ADAMTS3: variants seen among roughly 807,000 people sequenced by gnomAD.
The protein encoded by ADAMTS3 is A disintegrin and metalloproteinase with thrombospondin motifs 3.
ADAMTS3 carries 73 observed loss-of-function variants against 129.0 expected under a neutral mutation model. The ratio of observed to expected loss-of-function variants is 0.57; its 90% CI spans 0.47 to 0.69. The LOEUF is 0.69. ADAMTS3 is among the 30% of genes least tolerant of loss of function. The probability of loss-of-function intolerance (pLI) is 0.00; values close to 1 mark genes in which losing one functional copy is unlikely to be tolerated. For missense variants in ADAMTS3, 1,457 were observed against 1,514.5 expected, an observed-to-expected ratio of 0.96 and a Z score of 0.63; for synonymous variants, 477 against 510.8, an observed-to-expected ratio of 0.93 and a Z score of 0.89.
intron 3 of ADAMTS3, among the ~76,000 whole-genome samples, chr4:72,480,245 C>T (rs1249390929): frequency 1.9e-4 from 29 of 152,064 alleles, no homozygotes; most frequent in Admixed American, 3.3e-4. Flanking sequence ...CACATGCACA[C>T]GTATGTTTAT....
At chr4:72,292,074 A>G (rs1023832463) in intron 19 of ADAMTS3, among the ~76,000 whole-genome samples, 1 of 152,224 alleles carries the variant, frequency 6.6e-6, no homozygotes, top group Non-Finnish European at 1.5e-5. Flanking sequence ...TCTCAGTTAC[A>G]TTGCCTAATG....
chr4:72,470,376 T>TACAC lies in ADAMTS3; in HGVS notation c.505-55409_505-55406dup, dbSNP rs373903285. Among the ~76,000 whole-genome samples, 358 of 137,974 alleles carry TACAC rather than the reference T, an allele frequency of 2.6e-3. 5 individuals carry two copies. The highest frequency in any genetic ancestry group is 8.7e-3 in the African/African-American group (326 of 37,596). 90.5% of individuals were successfully genotyped at this position (137,974 alleles called of 152,430 possible). ...TATTTTAAGTTTATATATATATATA[T>TACAC]ACACACACACACACACACACACACA... On this transcript the variant is annotated intron_variant, in intron 3 of 21. Transcript: ENST00000286657.
chr4:72,505,684 G>A (rs551938136), intron 3 of ADAMTS3, among the ~76,000 whole-genome samples: 1 of 152,370 alleles, frequency 6.6e-6, no homozygotes. Flanking sequence ...GGTATAGGTA[G>A]GCATGAAACT....
chr4:72,479,485 A>G lies in ADAMTS3; in HGVS notation c.505-64514T>C, dbSNP rs1169751878. On this transcript the variant is annotated intron_variant, in intron 3 of 21. Coordinates refer to ENST00000286657, the MANE Select transcript of ADAMTS3 (RefSeq NM_014243.3). ...ATAAATGGTGCTGGGAAAACTGGCT[A>G]GCCATATGTAGAAAGCTGAAACTGG... Among the ~76,000 whole-genome samples, 3 of 152,248 alleles carry G rather than the reference A, an allele frequency of 2.0e-5. No homozygotes were observed. The East Asian group carries it at 5.8e-4, about 29-fold the overall frequency.
At position 72,466,218 on chromosome 4, in the gene ADAMTS3, G is replaced by A. The variant is rs148051666; in HGVS notation, c.505-51247C>T. Among the ~76,000 whole-genome samples the A allele has an allele frequency of 6.2e-4, 95 of 152,184 alleles. No homozygotes were observed. In the East Asian group the frequency reaches 0.016, roughly 26 times the overall value. Reference sequence around the variant, plus strand: ...GTGAGCAGTCAGTGCAAATTCCATAGAGAAAGCACTGTTCAGCTCGTGGCT... The same window carrying A: ...GTGAGCAGTCAGTGCAAATTCCATAAAGAAAGCACTGTTCAGCTCGTGGCT... On this transcript the variant is annotated intron_variant, in intron 3 of 21. Transcript: ENST00000286657.
intron 16 of ADAMTS3, among the ~76,000 whole-genome samples, chr4:72,305,341 A>G (rs1719054419): frequency 6.6e-6 from 1 of 152,132 alleles, no homozygotes; most frequent in South Asian, 2.1e-4. Flanking sequence ...AGATTAGATT[A>G]GTAAAATTCA....
At chr4:72,505,926 A>G (rs1442471780) in intron 3 of ADAMTS3, among the ~76,000 whole-genome samples, 1 of 152,174 alleles carries the variant, frequency 6.6e-6, no homozygotes. Flanking sequence ...TGTGGAGTGG[A>G]GATGGTGTCC....
intron 3 of ADAMTS3, among the ~76,000 whole-genome samples, chr4:72,525,934 G>C (rs1578762222): frequency 6.6e-6 from 1 of 152,232 alleles, no homozygotes; most frequent in African/African-American, 2.4e-5. Context: ...CCTGTGAATA[G>C]CACAAATCAA....
At chr4:72,392,685 G>T (rs1721627683) in intron 4 of ADAMTS3, among the ~76,000 whole-genome samples, 2 of 151,910 alleles carry the variant, frequency 1.3e-5, no homozygotes, top group Admixed American at 1.3e-4. Flanking sequence ...TGACTTCTTT[G>T]CCTAAAGAGG....
At chr4:72,335,188 A>G (rs1719957593) in intron 5 of ADAMTS3, among the ~76,000 whole-genome samples, 1 of 152,172 alleles carries the variant, frequency 6.6e-6, no homozygotes, top group South Asian at 2.1e-4. Context: ...TAAAGACTTA[A>G]TGTTAACAGT....
chr4:72,295,733 G>A lies in ADAMTS3; in HGVS notation c.2644C>T (p.His882Tyr), dbSNP rs760947478. ...CRRKSDNKMV[H>Y]RSFCEANKKP... is the part of the protein sequence containing the mutation. ...TTGTTGGCCTCACAGAAGCTGCGATGGACCATTTTATTATCACTTTTCCTA... is the reference window on the plus strand; with the variant it reads ...TTGTTGGCCTCACAGAAGCTGCGATAGACCATTTTATTATCACTTTTCCTA... The change falls in exon 19 of 22, where the codon CAT (histidine) becomes TAT (tyrosine). Residue 882 changes from histidine to tyrosine, a missense_variant. Transcript: ENST00000286657. 3 of 1,612,754 alleles carry A rather than the reference G, an allele frequency of 1.9e-6. No homozygotes were observed. Among genetic ancestry groups the A allele is most frequent in the African/African-American group, 1.3e-5 (1 of 74,840 alleles).
At chr4:72,537,841 C>A (rs1357631948) in intron 3 of ADAMTS3, among the ~76,000 whole-genome samples, 1 of 152,094 alleles carries the variant, frequency 6.6e-6, no homozygotes, top group Non-Finnish European at 1.5e-5. Context: ...CAGACAAATA[C>A]TTTAAAACAA....
At chr4:72,315,806 G>T in intron 11 of ADAMTS3, 52 bp downstream of exon 11, 3 of 1,220,868 alleles carry the variant, frequency 2.5e-6, no homozygotes, top group South Asian at 1.3e-5. Context: ...CTTTAAAGAT[G>T]ATAATTATGC....
intron 3 of ADAMTS3, among the ~76,000 whole-genome samples, chr4:72,439,656 C>T (rs1216908326): frequency 1.3e-5 from 2 of 151,424 alleles, no homozygotes; most frequent in African/African-American, 2.4e-5. Flanking sequence ...AGTGGTTTTC[C>T]CTCATGTGAG....
chr4:72,462,691 T>C (rs1718803931), intron 3 of ADAMTS3, among the ~76,000 whole-genome samples: 1 of 151,954 alleles, frequency 6.6e-6, no homozygotes, highest in Non-Finnish European at 1.5e-5. Context: ...TGTTTTAGTT[T>C]TTAATGAAAT....
chr4:72,418,237 C>G (rs1722359416), intron 3 of ADAMTS3, among the ~76,000 whole-genome samples: 1 of 151,932 alleles, frequency 6.6e-6, no homozygotes, highest in South Asian at 2.1e-4. Context: ...TGAAATGTTC[C>G]TAGTCCACAT....
chr4:72,305,774 C>T lies in ADAMTS3; in HGVS notation c.2260+213G>A, dbSNP rs541173062. Among the ~76,000 whole-genome samples the T allele has an allele frequency of 1.1e-4, 16 of 152,028 alleles. No homozygotes were observed. In the South Asian group the frequency reaches 2.9e-3, roughly 28 times the overall value. On this transcript the variant is annotated intron_variant, in intron 16 of 21. Transcript: ENST00000286657. ...ACATATGCACATGTACACACATATA[C>T]ACATGCACATGTACGCACATATACG...
intron 3 of ADAMTS3, among the ~76,000 whole-genome samples, chr4:72,489,061 T>C (rs1719664691): frequency 6.6e-6 from 1 of 151,966 alleles, no homozygotes; most frequent in East Asian, 1.9e-4. Flanking sequence ...CTATTTCACT[T>C]AGCATAAAGT....
intron 3 of ADAMTS3, among the ~76,000 whole-genome samples, chr4:72,521,327 G>A (rs938569146): frequency 2.6e-5 from 4 of 151,998 alleles, no homozygotes; most frequent in African/African-American, 7.2e-5. Context: ...TCAGGTAATC[G>A]AGGCCTTAGC....
Sources: gnomAD v4.1 joint callset for allele counts (sites outside exome capture counted in the v4.1 genomes callset) on GRCh38, gnomAD v4.1.1 for gene constraint, MANE v1.5 for transcripts, NCBI Gene and HGNC (gene_info 2026-07-23, HGNC 2026-07-21) for gene names.